Variants in LUZP2 observed in about 807,000 individuals in gnomAD.
LUZP2 encodes the protein leucine zipper protein 2.
Under a neutral mutation model 51.6 loss-of-function variants are expected in LUZP2, and 52 were observed. The ratio of observed to expected loss-of-function variants is 1.01; its 90% confidence interval spans 0.81 to 1.27. The LOEUF (loss-of-function observed/expected upper bound fraction) is 1.27. Ranked by LOEUF, LUZP2 falls within the 50% of genes most tolerant of loss-of-function variation. LUZP2 has a pLI of 0.00. For missense variants in LUZP2, 436 were observed against 395.4 expected (o/e 1.10, Z -0.87); for synonymous variants, 154 against 137.3 (o/e 1.12, Z -0.85).
At chr11:25,007,306 TA>T (rs1271295196) in intron 9 of LUZP2, among the ~76,000 whole-genome samples, 3 of 152,148 alleles carry the variant, frequency 2.0e-5, no homozygotes, top group African/African-American at 7.2e-5. Flanking sequence ...ATAAAAGTTG[TA>T]AAACTATTAA....
chr11:24,522,468 G>T (rs540736886), intron 1 of LUZP2, among the ~76,000 whole-genome samples: 5 of 152,020 alleles, frequency 3.3e-5, no homozygotes, highest in African/African-American at 1.2e-4. Flanking sequence ...AGCAAGTCTT[G>T]CATGTATGAA....
intron 9 of LUZP2, among the ~76,000 whole-genome samples, chr11:25,025,909 A>G (rs1433625366): frequency 6.6e-6 from 1 of 152,188 alleles, no homozygotes; most frequent in Non-Finnish European, 1.5e-5. Context: ...TCCATCAGTG[A>G]TAGACTGGAT....
At chr11:24,963,434 G>C (rs913536604) in intron 7 of LUZP2, among the ~76,000 whole-genome samples, 22 of 152,090 alleles carry the variant, frequency 1.4e-4, no homozygotes, top group Admixed American at 2.6e-4. Context: ...CGAGCTTCCC[G>C]GCTGCTTTGT....
intron 7 of LUZP2, among the ~76,000 whole-genome samples, chr11:24,946,473 T>A (rs1237450808): frequency 6.6e-6 from 1 of 151,936 alleles, no homozygotes; most frequent in African/African-American, 2.4e-5. Context: ...AAATTTTTAA[T>A]TCCTTTTAAT....
chr11:24,559,249 A>G (rs910044157), intron 1 of LUZP2, among the ~76,000 whole-genome samples: 2 of 152,196 alleles, frequency 1.3e-5, no homozygotes, highest in Non-Finnish European at 2.9e-5. Context: ...GTTAAATTAT[A>G]AAGTCCTGGA....
At chr11:24,968,056 T>G (rs148459686) in intron 7 of LUZP2, among the ~76,000 whole-genome samples, 228 of 152,288 alleles carry the variant, frequency 1.5e-3, no homozygotes, top group African/African-American at 5.3e-3. Context: ...TTTGTTTTAT[T>G]CTTTGCCTAT....
intron 1 of LUZP2, among the ~76,000 whole-genome samples, chr11:24,526,818 T>A (rs901938109): frequency 6.6e-6 from 1 of 151,290 alleles, no homozygotes; most frequent in African/African-American, 2.4e-5. Context: ...CACAATGGAG[T>A]TGGACTAGTC....
At chr11:25,067,054 C>A (rs1278296787) in intron 10 of LUZP2, among the ~76,000 whole-genome samples, 1 of 151,906 alleles carries the variant, frequency 6.6e-6, no homozygotes, top group Admixed American at 6.6e-5. Context: ...GGTTTATTAT[C>A]CCTTGGGTTG....
In LUZP2 at chr11:24,919,835, A is replaced by G. The variant is rs921677599; in HGVS notation, c.522+5297A>G. ...ACAGGTGATTTTCAAAAGAAATACA[A>G]TAGTTTACTCTCCCATCAGTACAAT... On this transcript the variant is annotated intron_variant, in intron 7 of 11. Coordinates refer to ENST00000336930, the MANE Select transcript of LUZP2 (RefSeq NM_001009909.4). Among the ~76,000 whole-genome samples, 57 of 151,276 alleles carry G rather than the reference A, an allele frequency of 3.8e-4. 1 individual carries two copies. Among genetic ancestry groups the G allele is most frequent in the African/African-American group, 1.4e-3 (56 of 41,446 alleles).
intron 1 of LUZP2, among the ~76,000 whole-genome samples, chr11:24,665,555 C>T (rs1856185406): frequency 1.3e-5 from 2 of 152,108 alleles, no homozygotes; most frequent in African/African-American, 4.8e-5. Context: ...TTGTAGTTCT[C>T]ATAATCCCCA....
chr11:24,941,465 C>A (rs1854744150), intron 7 of LUZP2, among the ~76,000 whole-genome samples: 1 of 152,100 alleles, frequency 6.6e-6, no homozygotes, highest in Non-Finnish European at 1.5e-5. Flanking sequence ...GAAATTAATT[C>A]ATTCAACAGA....
intron 5 of LUZP2, among the ~76,000 whole-genome samples, chr11:24,893,786 A>G (rs1034219783): frequency 5.3e-5 from 8 of 151,940 alleles, no homozygotes; most frequent in African/African-American, 1.9e-4. Flanking sequence ...ACACACACAC[A>G]CACACACACA....
chr11:24,988,074 A>G (rs1299365668), intron 9 of LUZP2, among the ~76,000 whole-genome samples: 1 of 151,972 alleles, frequency 6.6e-6, no homozygotes, highest in Admixed American at 6.6e-5. Flanking sequence ...AGCTTGCCCT[A>G]TCTCTCTACT....
intron 9 of LUZP2, among the ~76,000 whole-genome samples, chr11:25,039,240 C>T (rs1401033791): frequency 6.6e-6 from 1 of 152,096 alleles, no homozygotes; most frequent in Non-Finnish European, 1.5e-5. Flanking sequence ...TTTGCAGCTC[C>T]CTTCTGTGGA....
At chr11:24,866,925 A>G (rs1050429282) in intron 5 of LUZP2, among the ~76,000 whole-genome samples, 1 of 152,156 alleles carries the variant, frequency 6.6e-6, no homozygotes, top group African/African-American at 2.4e-5. Flanking sequence ...GACTGGAGAT[A>G]AGACTGAGGC....
chr11:24,756,223 A>G (rs79775011), intron 4 of LUZP2, among the ~76,000 whole-genome samples: 5 of 152,210 alleles, frequency 3.3e-5, no homozygotes, highest in African/African-American at 4.8e-5. Context: ...CCTCACATGT[A>G]TTGATACACT....
intron 1 of LUZP2, among the ~76,000 whole-genome samples, chr11:24,704,070 A>T (rs919947813): frequency 2.0e-5 from 3 of 152,152 alleles, no homozygotes; most frequent in Non-Finnish European, 4.4e-5. Flanking sequence ...CTTAATCTAG[A>T]TAAGTGTTTG....
At chr11:24,570,198 C>G (rs1054875298) in intron 1 of LUZP2, among the ~76,000 whole-genome samples, 1 of 151,894 alleles carries the variant, frequency 6.6e-6, no homozygotes, top group Non-Finnish European at 1.5e-5. Context: ...GACGAGAAGA[C>G]GGTGATGGTA....
intron 5 of LUZP2, among the ~76,000 whole-genome samples, chr11:24,766,353 T>C (rs1455606130): frequency 1.3e-5 from 2 of 152,192 alleles, no homozygotes; most frequent in East Asian, 1.9e-4. Context: ...AAAAATCATT[T>C]TGTTTTTCTT....
Sources: gnomAD v4.1 joint callset for allele counts (sites outside exome capture counted in the v4.1 genomes callset) on GRCh38, gnomAD v4.1.1 for gene constraint, MANE v1.5 for transcripts, NCBI Gene and HGNC (gene_info 2026-07-23, HGNC 2026-07-21) for gene names.